Variants in ATP10B observed in about 807,000 individuals in gnomAD.
ATP10B encodes the protein ATPase phospholipid transporting 10B (putative).
In ATP10B, 122 loss-of-function variants were observed where a neutral mutation model predicts 141.2. That is an observed-to-expected ratio of 0.86 (90% CI 0.75 to 1.00). The LOEUF is 1.00. Among genes scored for constraint, ATP10B ranks in the 50% least tolerant of loss-of-function variants. ATP10B has a pLI of 0.00. For synonymous variants in ATP10B, 685 were observed against 692.0 expected (o/e 0.99, Z 0.16); for missense variants, 1,876 against 1,825.3 (o/e 1.03, Z -0.51).
the ATP10B span, among the ~76,000 whole-genome samples, chr5:160,859,666 A>C: frequency 6.6e-6 from 1 of 151,936 alleles, no homozygotes; most frequent in Non-Finnish European, 1.5e-5. Flanking sequence ...GAAATCTGGA[A>C]TTTATTAACA....
intron 1 of ATP10B, among the ~76,000 whole-genome samples, chr5:160,851,453 C>A (rs1753809830): frequency 6.6e-6 from 1 of 152,010 alleles, no homozygotes; most frequent in African/African-American, 2.4e-5. Context: ...CCTTTGAACT[C>A]AAAGGAAAGT....
chr5:160,767,641 C>CACCCCG (rs1554113860), intron 2 of ATP10B, among the ~76,000 whole-genome samples: 2 of 114,194 alleles, frequency 1.8e-5, no homozygotes, highest in African/African-American at 5.7e-5. Context: ...CAGAACCCCC[C>CACCCCG]CCCCCAAAAT....
the ATP10B span, among the ~76,000 whole-genome samples, chr5:160,882,283 AT>A: frequency 1.3e-5 from 2 of 152,114 alleles, no homozygotes; most frequent in Non-Finnish European, 1.5e-5. Context: ...GTCAGTGTAG[AT>A]TCTTCAATTT....
chr5:160,867,554 C>A, the ATP10B span, among the ~76,000 whole-genome samples: 1 of 152,074 alleles, frequency 6.6e-6, no homozygotes, highest in African/African-American at 2.4e-5. Flanking sequence ...CAAAATTGTA[C>A]AAATCTAATG....
At chr5:160,662,421 C>T (rs574222081) in intron 7 of ATP10B, among the ~76,000 whole-genome samples, 1 of 152,336 alleles carries the variant, frequency 6.6e-6, no homozygotes, top group African/African-American at 2.4e-5. Flanking sequence ...GTAACCAAAA[C>T]AGCACGGTAC....
At chr5:160,800,833 A>G (rs896258555) in intron 1 of ATP10B, among the ~76,000 whole-genome samples, 17 of 152,196 alleles carry the variant, frequency 1.1e-4, no homozygotes, top group African/African-American at 3.4e-4. Context: ...CATTTAAAAC[A>G]TCCATACTTC....
At chr5:160,866,674 CAAAAACAAAA>C in the ATP10B span, among the ~76,000 whole-genome samples, 1 of 152,000 alleles carries the variant, frequency 6.6e-6, no homozygotes, top group Admixed American at 6.6e-5. Flanking sequence ...AACCCTGTCT[CAAAAACAAAA>C]CAAAACAAAA....
intron 8 of ATP10B, among the ~76,000 whole-genome samples, chr5:160,645,847 A>C (rs1760242321): frequency 6.6e-6 from 1 of 152,200 alleles, no homozygotes; most frequent in African/African-American, 2.4e-5. Context: ...CAACCTTATA[A>C]GACAGGGCTT....
chr5:160,803,067 C>T (rs1397136254), intron 1 of ATP10B, among the ~76,000 whole-genome samples: 1 of 152,190 alleles, frequency 6.6e-6, no homozygotes, highest in Non-Finnish European at 1.5e-5. Context: ...GTGACATGCT[C>T]CTGTTCAAAA....
intron 2 of ATP10B, among the ~76,000 whole-genome samples, chr5:160,735,047 C>T (rs1442777853): frequency 6.7e-6 from 1 of 148,428 alleles, no homozygotes; most frequent in African/African-American, 2.5e-5. Context: ...CAGAGAAAAT[C>T]ATCTTTACTA....
intron 1 of ATP10B, among the ~76,000 whole-genome samples, chr5:160,811,920 C>A (rs976216268): frequency 6.6e-6 from 1 of 152,078 alleles, no homozygotes; most frequent in African/African-American, 2.4e-5. Context: ...TCATGTCTGA[C>A]CCAGTGCAGT....
the ATP10B span, among the ~76,000 whole-genome samples, chr5:160,906,334 C>A: frequency 4.0e-5 from 6 of 151,536 alleles, no homozygotes; most frequent in Admixed American, 6.6e-5. Context: ...AAAAAAAAAA[C>A]AATCGACCAG....
chr5:160,790,996 T>C (rs921202731), intron 1 of ATP10B, among the ~76,000 whole-genome samples: 1 of 152,112 alleles, frequency 6.6e-6, no homozygotes, highest in East Asian at 1.9e-4. Flanking sequence ...GGTTTGAAGA[T>C]GGAGGAAGGG....
intron 1 of ATP10B, among the ~76,000 whole-genome samples, chr5:160,847,767 C>T (rs554198186): frequency 7.2e-5 from 11 of 152,184 alleles, no homozygotes; most frequent in South Asian, 6.2e-4. Flanking sequence ...AGGAAAAACG[C>T]GGGTTATTAA....
intron 3 of ATP10B, among the ~76,000 whole-genome samples, chr5:160,709,851 A>C (rs1315751871): frequency 4.5e-5 from 5 of 111,308 alleles, no homozygotes; most frequent in African/African-American, 1.4e-4. Context: ...ATGAGTGAGA[A>C]TATGCGGTGT....
the ATP10B span, among the ~76,000 whole-genome samples, chr5:160,901,659 G>A: frequency 6.6e-6 from 1 of 152,148 alleles, no homozygotes; most frequent in East Asian, 1.9e-4. Flanking sequence ...GTCAGGAAAG[G>A]CCTTACAGAT....
At chr5:160,686,381 A>G in intron 5 of ATP10B, 108 bp from the exon 6 acceptor site, 2 of 727,822 alleles carry the variant, frequency 2.7e-6, no homozygotes, top group African/African-American at 3.5e-5. Context: ...CTTCTCTTTC[A>G]GTATCACCTC....
In ATP10B at chr5:160,716,079, C is replaced by T. The variant is rs191715455; in HGVS notation, c.-205+830G>A. Among the ~76,000 whole-genome samples, 12 of 152,242 alleles carry T rather than the reference C, an allele frequency of 7.9e-5. No homozygotes were observed. In the East Asian group the frequency reaches 2.3e-3, roughly 29 times the overall value. Reference sequence around the variant, plus strand: ...GACCCAGCATTTTCACATCTATATACATACCTTGAAGCAATTTGCACACGT... The same window carrying T: ...GACCCAGCATTTTCACATCTATATATATACCTTGAAGCAATTTGCACACGT... On this transcript the variant is annotated intron_variant, in intron 3 of 25. Transcript: ENST00000327245.
chr5:160,693,399 A>G (rs1278107950), intron 3 of ATP10B, among the ~76,000 whole-genome samples: 1 of 124,932 alleles, frequency 8.0e-6, no homozygotes, highest in Non-Finnish European at 1.6e-5. Flanking sequence ...TCCATGGGTC[A>G]GAAAACACAC....
Sources: gnomAD v4.1 joint callset for allele counts (sites outside exome capture counted in the v4.1 genomes callset) on GRCh38, gnomAD v4.1.1 for gene constraint, MANE v1.5 for transcripts, NCBI Gene and HGNC (gene_info 2026-07-23, HGNC 2026-07-21) for gene names.